Variants in NIPSNAP3B observed in about 807,000 individuals in gnomAD.
NIPSNAP3B encodes the protein protein NipSnap homolog 3B.
NIPSNAP3B carries 30 observed loss-of-function variants against 31.5 expected under a neutral mutation model. That is an observed-to-expected ratio of 0.95 (90% CI 0.71 to 1.29). The LOEUF is 1.29. Among genes scored for constraint, NIPSNAP3B ranks in the 50% most tolerant of loss-of-function variants. The pLI, the probability that NIPSNAP3B is intolerant of heterozygous loss-of-function variation, is 0.00. For missense variants in NIPSNAP3B, 269 were observed against 300.7 expected (o/e 0.89, Z 0.78); for synonymous variants, 106 against 107.9 (o/e 0.98, Z 0.11).
rs1251087582 is a variant in NIPSNAP3B, at chr9:104,772,837, G to A, written c.596G>A (p.Trp199Ter). 1.2e-6 allele frequency: 2 copies of A among 1,613,040 alleles called. No homozygotes were observed. Among genetic ancestry groups the A allele is most frequent in the African/African-American group, 1.3e-5 (1 of 75,026 alleles). ...GELNRVHVLW[W>*]NESADSRAAG... ...ATTTCTGCAGTTCATGTTCTTTGGT[G>A]GAATGAGAGTGCAGATAGTCGTGCA... Residue 199 changes from tryptophan to a stop codon, truncating the protein, a stop_gained, in exon 5 of 6, where the codon TGG becomes TAG. Coordinates refer to ENST00000374762, the MANE Select transcript of NIPSNAP3B (RefSeq NM_018376.4). LOFTEE classifies it high-confidence loss of function.
At chr9:104,785,443 G>A in the NIPSNAP3B span, 4 of 1,613,890 alleles carry the variant, frequency 2.5e-6, no homozygotes, top group Non-Finnish European at 3.4e-6. Context: ...ATGTGGAGTC[G>A]CTTTTTGCTC....
At chr9:104,765,904 CATGTGTACT>C (rs1195036203) in intron 1 of NIPSNAP3B, among the ~76,000 whole-genome samples, 17 of 152,110 alleles carry the variant, frequency 1.1e-4, no homozygotes, top group Admixed American at 1.1e-3. Context: ...TGCCAAAAGG[CATGTGTACT>C]TAATAAATTT....
intron 1 of NIPSNAP3B, among the ~76,000 whole-genome samples, chr9:104,765,906 T>C (rs1828080831): frequency 6.6e-6 from 1 of 152,190 alleles, no homozygotes; most frequent in African/African-American, 2.4e-5. Context: ...CCAAAAGGCA[T>C]GTGTACTTAA....
chr9:104,784,654 T>A, the NIPSNAP3B span, among the ~76,000 whole-genome samples: 4 of 152,096 alleles, frequency 2.6e-5, no homozygotes, highest in Non-Finnish European at 5.9e-5. Context: ...AGACTTTTTT[T>A]CCCCCCTTGA....
At chr9:104,789,031 G>C in the NIPSNAP3B span, among the ~76,000 whole-genome samples, 1 of 152,192 alleles carries the variant, frequency 6.6e-6, no homozygotes, top group East Asian at 1.9e-4. Context: ...TGGCTTTGGG[G>C]TTCTATGAAG....
chr9:104,771,233 G>T (rs919021187), intron 4 of NIPSNAP3B: 2 of 376,802 alleles, frequency 5.3e-6, no homozygotes, highest in East Asian at 4.4e-5. Flanking sequence ...TTTTATTTTA[G>T]GTTCACGGGG....
downstream of NIPSNAP3B, chr9:104,781,779 G>A (rs1828560830): frequency 1.3e-5 from 2 of 152,552 alleles, no homozygotes; most frequent in Admixed American, 6.5e-5. Context: ...TTTTGAACAC[G>A]TATTTTGAGA....
Position 104,776,694 on chromosome 9 carries a change from GCTTT to G in NIPSNAP3B, c.*3626_*3629del, listed in dbSNP as rs1392427499. Among the ~76,000 whole-genome samples, 1 of 151,984 alleles carries G rather than the reference GCTTT, an allele frequency of 6.6e-6. No homozygotes were observed. The highest frequency in any genetic ancestry group is 1.5e-5 in the Non-Finnish European group (1 of 68,004). On this transcript the variant is annotated 3_prime_UTR_variant, in exon 6 of 6. Transcript: ENST00000374762. ...AACTAAGACACTATCCCTCTCCCCT[GCTTT>G]CTTTTTCTGTTATCACCATAATTAA... is the stretch of plus-strand genomic sequence containing the variant.
At chr9:104,779,889 G>A (rs943414104), downstream of NIPSNAP3B, among the ~76,000 whole-genome samples, 1 of 152,112 alleles carries the variant, frequency 6.6e-6, no homozygotes, top group Non-Finnish European at 1.5e-5. Context: ...AAATTAGCTG[G>A]TTGTGGTGGC....
rs200017254 is a variant in NIPSNAP3B at position 104,770,813 on chromosome 9, T to C, written c.431-36T>C. 6.9e-6 allele frequency: 11 copies of C among 1,597,696 alleles called. No homozygotes were observed. In the East Asian group the frequency reaches 2.2e-4, roughly 32 times the overall value. ...AACCTGGTTAGAAATTGTTTGAATG[T>C]CTTCTGTGAAATAATTATTTTTCTC... is the stretch of plus-strand genomic sequence containing the variant. On this transcript the variant is annotated intron_variant, in intron 3 of 5. Transcript: ENST00000374762.
rs1226218155 is a variant in NIPSNAP3B at position 104,773,156 on chromosome 9, C to T, written c.*83C>T. ...TGCTTAAATTCTCCCAAGAGGTTCT[C>T]GCTTTTATTTGAAGGAGGTGGTAAG... is the stretch of plus-strand genomic sequence containing the variant. On this transcript the variant is annotated 3_prime_UTR_variant, in exon 6 of 6. Transcript: ENST00000374762. 9 of 1,378,106 alleles carry T rather than the reference C, an allele frequency of 6.5e-6. No individual in the cohort carries two copies. Among genetic ancestry groups the T allele is most frequent in the African/African-American group, 1.4e-5 (1 of 69,336 alleles). 85.4% of individuals were successfully genotyped at this position (1,378,106 alleles called of 1,614,324 possible). A position where few individuals can be genotyped will look rare whatever the true frequency, so the allele number is the denominator to read the frequency against.
In NIPSNAP3B at chr9:104,764,308, C is replaced by A; in HGVS notation, c.60+8C>A. ...CGGACGCTCGCGCCTCAGGTACTGG[C>A]CGCGGGGGCGCGCCCGAGCCCTGGC... On this transcript the variant is annotated splice_region_variant and intron_variant, in intron 1 of 5. Transcript: ENST00000374762. 1 of 1,574,980 alleles carries A rather than the reference C, an allele frequency of 6.3e-7. No individual in the cohort carries two copies. The highest frequency in any genetic ancestry group is 8.6e-7 in the Non-Finnish European group (1 of 1,162,850).
the NIPSNAP3B span, among the ~76,000 whole-genome samples, chr9:104,785,871 A>C: frequency 2.0e-5 from 3 of 152,220 alleles, no homozygotes; most frequent in Non-Finnish European, 4.4e-5. Context: ...TGGACCCATG[A>C]AGTCTGACAG....
chr9:104,784,236 T>G, the NIPSNAP3B span: 1 of 1,588,766 alleles, frequency 6.3e-7, no homozygotes, highest in Non-Finnish European at 8.6e-7. Context: ...TCTGGCTCTT[T>G]TCTCCACAAC....
chr9:104,770,793 G>A, intron 3 of NIPSNAP3B, 56 bp from the exon 4 acceptor site: 3 of 1,529,412 alleles, frequency 2.0e-6, no homozygotes, highest in Middle Eastern at 4.4e-4. Context: ...AGGAAAACCT[G>A]GTTAGAAATT....
At chr9:104,767,599 T>C (rs1828114518) in intron 2 of NIPSNAP3B, among the ~76,000 whole-genome samples, 1 of 152,198 alleles carries the variant, frequency 6.6e-6, no homozygotes, top group South Asian at 2.1e-4. Context: ...TATTAAAACA[T>C]AATTTATGCT....
At chr9:104,786,783 T>C in the NIPSNAP3B span, 1 of 1,227,074 alleles carries the variant, frequency 8.1e-7, no homozygotes, top group Non-Finnish European at 1.2e-6. Context: ...TTTGCTTTTC[T>C]GTATTTTCTA....
intron 4 of NIPSNAP3B, 64 bp from the exon 5 acceptor site, chr9:104,772,758 T>A: frequency 2.0e-6 from 3 of 1,527,620 alleles, no homozygotes; most frequent in African/African-American, 2.7e-5. Context: ...TGATTCACTT[T>A]TTCAATATTT....
At chr9:104,772,605 T>C (rs1026759961) in intron 4 of NIPSNAP3B, among the ~76,000 whole-genome samples, 1 of 152,190 alleles carries the variant, frequency 6.6e-6, no homozygotes, top group Non-Finnish European at 1.5e-5. Context: ...TTAAGCTGTG[T>C]TTCTTTGCAT....
Sources: allele counts gnomAD v4.1 joint callset (sites outside exome capture counted in the v4.1 genomes callset), GRCh38; gene constraint gnomAD v4.1.1; transcripts MANE v1.5; gene names NCBI Gene and HGNC (gene_info 2026-07-23, HGNC 2026-07-21).